REXO5: variants seen among roughly 807,000 people sequenced by gnomAD.
REXO5 encodes exonuclease NEF-sp.
Under a neutral mutation model 88.5 loss-of-function variants are expected in REXO5, and 48 were observed. That is an observed-to-expected ratio of 0.54 (90% confidence interval 0.43 to 0.69). REXO5 has a LOEUF of 0.69. Ranked by LOEUF, REXO5 falls within the 30% of genes least tolerant of loss-of-function variation. REXO5 has a pLI of 0.00. For synonymous variants in REXO5, 311 were observed against 336.5 expected (o/e 0.92, Z 0.83); for missense variants, 749 against 912.2 (o/e 0.82, Z 2.30).
chr16:20,809,901 T>C (rs1449945569), intron 2 of REXO5, among the ~76,000 whole-genome samples: 4 of 152,262 alleles, frequency 2.6e-5, no homozygotes, highest in Admixed American at 6.5e-5. Flanking sequence ...TTTGGGCTTA[T>C]GCATTTACTT....
intron 6 of REXO5, 109 bp downstream of exon 6, chr16:20,822,011 T>C (rs1264310139): frequency 8.9e-7 from 1 of 1,122,280 alleles, no homozygotes; most frequent in Non-Finnish European, 1.2e-6. Flanking sequence ...GAGTGGCTTA[T>C]TCTTATTTCA....
intron 13 of REXO5, among the ~76,000 whole-genome samples, chr16:20,835,330 C>A (rs752833882): frequency 6.6e-6 from 1 of 152,088 alleles, no homozygotes; most frequent in Non-Finnish European, 1.5e-5. Context: ...TTAGGTGAAA[C>A]CAGAGTAAAT....
chr16:20,818,630 C>T (rs2081117747), intron 5 of REXO5, among the ~76,000 whole-genome samples: 1 of 152,106 alleles, frequency 6.6e-6, no homozygotes, highest in Non-Finnish European at 1.5e-5. Flanking sequence ...ACCACCATAC[C>T]AGCTAATTTT....
At position 20,846,300 on chromosome 16, in the gene REXO5, C is replaced by T. The variant is rs778761957; in HGVS notation, c.2204C>T (p.Pro735Leu). ...KIGKLYNSLC[P>L]GTLCLILLPG... ...GGAAAGCTCTACAACAGCTTGTGCC[C>T]GGGCACTCTCTGCCTCATCCTGCTG... The change falls in exon 19 of 20, where the codon CCG (proline) becomes CTG (leucine). Residue 735 changes from proline to leucine, a missense_variant. Physicochemically the swap from Pro to Leu is moderately conservative, Grantham distance 98. Coordinates refer to ENST00000261377, the MANE Select transcript of REXO5 (RefSeq NM_030941.3). The T allele has an allele frequency of 3.7e-5, 59 of 1,613,872 alleles. No individual in the cohort carries two copies. In the Admixed American group the frequency reaches 8.2e-4, roughly 22 times the overall value.
chr16:20,839,830 C>G lies in REXO5; in HGVS notation c.1459C>G (p.Pro487Ala). Residue 487 changes from proline to alanine, a missense_variant, in exon 14 of 20, where the codon CCT becomes GCT. Transcript: ENST00000261377. ...IVQFSFKAFS[P>A]VLTEEMNKRM... ...TCAGTTCTCTTTTAAGGCCTTTTCA[C>G]CTGTCCTCACTGAGGAGATGAACAA... 3 of 1,613,194 alleles carry G rather than the reference C, an allele frequency of 1.9e-6. No individual in the cohort carries two copies. Among genetic ancestry groups the G allele is most frequent in the Non-Finnish European group, 2.5e-6 (3 of 1,179,232 alleles).
At chr16:20,813,553 C>T (rs1158051902) in intron 3 of REXO5, among the ~76,000 whole-genome samples, 1 of 152,122 alleles carries the variant, frequency 6.6e-6, no homozygotes, top group African/African-American at 2.4e-5. Context: ...TATATTCCCA[C>T]ATGGCAATAA....
rs2081056713 is a variant in REXO5 at position 20,814,846 on chromosome 16, T to C, written c.252-81T>C. 4 of 1,385,680 alleles carry C rather than the reference T, an allele frequency of 2.9e-6. No homozygotes were observed. In the Admixed American group the frequency reaches 1.0e-4, roughly 35 times the overall value. 85.8% of individuals were successfully genotyped at this position (1,385,680 alleles called of 1,614,324 possible). ...TCTCACTCACTGCTTTTCCTGCGCC[T>C]TCTCCCCTATTTCCCCTCTATATGA... On this transcript the variant is annotated intron_variant, in intron 3 of 19. Transcript: ENST00000261377.
intron 16 of REXO5, 103 bp downstream of exon 16, chr16:20,844,129 C>T: frequency 4.3e-6 from 3 of 690,194 alleles, no homozygotes; most frequent in Non-Finnish European, 5.1e-6. Flanking sequence ...GAGGCCCACG[C>T]ACAAGACTTT....
chr16:20,815,120 C>A, intron 4 of REXO5, 67 bp downstream of exon 4: 2 of 1,525,898 alleles, frequency 1.3e-6, no homozygotes, highest in Admixed American at 2.0e-5. Flanking sequence ...ATACATGTGT[C>A]AGGGACCATG....
chr16:20,810,835 A>G (rs1227594401), intron 2 of REXO5, among the ~76,000 whole-genome samples: 1 of 152,094 alleles, frequency 6.6e-6, no homozygotes, highest in Non-Finnish European at 1.5e-5. Context: ...GTCACCCTGC[A>G]CTGGCTCCAT....
At chr16:20,813,127 C>A in intron 2 of REXO5, 63 bp from the exon 3 acceptor site, 1 of 1,079,122 alleles carries the variant, frequency 9.3e-7, no homozygotes, top group Non-Finnish European at 1.4e-6. Flanking sequence ...AATAATTTAA[C>A]TTGCTTTGTT....
intron 7 of REXO5, 92 bp from the exon 8 acceptor site, chr16:20,825,741 A>G (rs2081250426): frequency 1.2e-6 from 1 of 854,436 alleles, no homozygotes; most frequent in Non-Finnish European, 1.9e-6. Context: ...ACCCTGGTAG[A>G]TTACAGTAGA....
intron 2 of REXO5, among the ~76,000 whole-genome samples, chr16:20,809,586 A>G (rs1191792507): frequency 6.6e-6 from 1 of 152,242 alleles, no homozygotes; most frequent in Non-Finnish European, 1.5e-5. Context: ...ATACATCTTT[A>G]GCAGGAATAT....
At chr16:20,823,691 G>A (rs1185989512) in intron 6 of REXO5, among the ~76,000 whole-genome samples, 2 of 152,154 alleles carry the variant, frequency 1.3e-5, no homozygotes, top group Admixed American at 6.5e-5. Flanking sequence ...CCTTTGTTCC[G>A]TGTCAAACAA....
chr16:20,825,607 T>C (rs1339545517), intron 7 of REXO5: 1 of 473,136 alleles, frequency 2.1e-6, no homozygotes, highest in African/African-American at 2.0e-5. Context: ...TTATTTGCAT[T>C]CATCTTCTTT....
intron 2 of REXO5, chr16:20,807,444 G>C (rs574612484): frequency 6.9e-5 from 18 of 260,236 alleles, no homozygotes; most frequent in African/African-American, 4.0e-4. Context: ...TTAGCCAGGC[G>C]TGGTAGTGGG....
chr16:20,830,236 G>C (rs2081320851), intron 11 of REXO5, among the ~76,000 whole-genome samples: 1 of 151,936 alleles, frequency 6.6e-6, no homozygotes, highest in Non-Finnish European at 1.5e-5. Context: ...TCCCAGGCTG[G>C]AGTGCAGTGG....
intron 18 of REXO5, 56 bp from the exon 19 acceptor site, chr16:20,846,165 C>T: frequency 7.3e-7 from 1 of 1,369,450 alleles, no homozygotes; most frequent in Non-Finnish European, 1.0e-6. Flanking sequence ...TGCAGCCCTT[C>T]CAAAGGTAAC....
At chr16:20,842,045 C>T (rs984095855) in intron 15 of REXO5, among the ~76,000 whole-genome samples, 5 of 152,038 alleles carry the variant, frequency 3.3e-5, no homozygotes, top group African/African-American at 7.2e-5. Context: ...GCGGGGGTGG[C>T]GGGTAAAATA....
Sources: allele counts gnomAD v4.1 joint callset (sites outside exome capture counted in the v4.1 genomes callset), GRCh38; gene constraint gnomAD v4.1.1; transcripts MANE v1.5; gene names NCBI Gene and HGNC (gene_info 2026-07-23, HGNC 2026-07-21).